Variants in ZHX1 observed in about 807,000 individuals in gnomAD.
The protein encoded by ZHX1 is zinc fingers and homeoboxes protein 1.
A neutral mutation model predicts 61.8 loss-of-function variants in ZHX1; 20 were observed. The ratio of observed to expected loss-of-function variants is 0.32; its 90% CI spans 0.23 to 0.47. ZHX1 has a LOEUF of 0.47. Ranked by LOEUF, ZHX1 falls within the 20% of genes least tolerant of loss-of-function variation. ZHX1 has a pLI of 1.00. For missense variants in ZHX1, 800 were observed against 1,034.8 expected, an observed-to-expected ratio of 0.77 and a Z score of 3.11; for synonymous variants, 318 against 352.6, an observed-to-expected ratio of 0.90 and a Z score of 1.10.
At chr8:123,269,334 G>A (rs1361250685) in intron 1 of ZHX1, among the ~76,000 whole-genome samples, 1 of 152,184 alleles carries the variant, frequency 6.6e-6, no homozygotes, top group Non-Finnish European at 1.5e-5. Context: ...GGATACCAGA[G>A]GAGCAAAAAT....
At position 123,254,981 on chromosome 8, in the gene ZHX1, T is replaced by G; in HGVS notation, c.966A>C (p.Lys322Asn). 1 of 1,614,228 alleles carries G rather than the reference T, an allele frequency of 6.2e-7. No individual in the cohort carries two copies. Among genetic ancestry groups the G allele is most frequent in the African/African-American group, 1.3e-5 (1 of 75,064 alleles). Residue 322 changes from lysine (K) to asparagine (N), a missense_variant, in exon 3 of 4, where the codon AAA becomes AAC. Lys to Asn is a moderately conservative substitution (Grantham distance 94). Coordinates refer to ENST00000395571, the MANE Select transcript of ZHX1 (RefSeq NM_007222.5). This position sits in a 1 kb window ranked among gnomAD's most constrained non-coding sequence, Gnocchi z 4.1. ...SEITVLSAQAKYTEEQIKIWF... is the reference protein window; with the variant it reads ...SEITVLSAQANYTEEQIKIWF... ...ATATCTTGATCTGTTCCTCTGTATA[T>G]TTTGCTTGAGCAGAAAGAACTGTAA...
chr8:123,269,924 G>GA (rs1826589302), intron 1 of ZHX1, among the ~76,000 whole-genome samples: 1 of 151,974 alleles, frequency 6.6e-6, no homozygotes, highest in East Asian at 1.9e-4. Flanking sequence ...AATCATGCTG[G>GA]AACAAGTTGG....
chr8:123,254,014 C>T lies in ZHX1; in HGVS notation c.1933G>A (p.Gly645Arg). ...GATTCATCTGCAGGAGAAGTTTCTC[C>T]AGCTTCTTCTTTGGAACTACCTGCA... ...SNAGSSKEEA[G>R]ETSPADESGA... Residue 645 changes from glycine to arginine, a missense_variant, in exon 3 of 4, where the codon GGA becomes AGA. By Grantham distance (125) the Gly-to-Arg change is moderately radical. Transcript: ENST00000395571. The surrounding 1 kb of genome is among the most constrained non-coding windows in gnomAD (Gnocchi z 4.1). 3 of 1,614,126 alleles carry T rather than the reference C, an allele frequency of 1.9e-6. No homozygotes were observed. Among genetic ancestry groups the T allele is most frequent in the East Asian group, 2.2e-5 (1 of 44,886 alleles).
intron 2 of ZHX1, among the ~76,000 whole-genome samples, chr8:123,263,716 C>T (rs1384691948): frequency 1.3e-5 from 2 of 152,080 alleles, no homozygotes; most frequent in African/African-American, 2.4e-5. Context: ...TGCCTGTAAT[C>T]CCAGCTGCTT....
At chr8:123,258,453 T>C (rs1032314887) in intron 2 of ZHX1, among the ~76,000 whole-genome samples, 5 of 152,232 alleles carry the variant, frequency 3.3e-5, no homozygotes, top group Non-Finnish European at 1.5e-5. Flanking sequence ...ACAAAGAGAC[T>C]GAGACACAGC....
At chr8:123,273,635 G>A (rs949861708) in intron 1 of ZHX1, 1 of 152,258 alleles carries the variant, frequency 6.6e-6, no homozygotes, top group Non-Finnish European at 1.5e-5. Flanking sequence ...GGGTTTGCTG[G>A]GGCTCCAACC....
At position 123,248,911 on chromosome 8, in the gene ZHX1, G is replaced by A. The variant is rs1301833344; in HGVS notation, c.*1413C>T. The stretch of plus-strand genomic sequence containing the variant: ...AAGCCACCCACAAAGCCAGCTGTCT[G>A]AGTGAGGAAATCAGCTACATTGCAG... On this transcript the variant is annotated 3_prime_UTR_variant, in exon 4 of 4. Coordinates refer to ENST00000395571, the MANE Select transcript of ZHX1 (RefSeq NM_007222.5). 1 of 152,412 alleles carries A rather than the reference G, an allele frequency of 6.6e-6. No individual in the cohort carries two copies. 9.4% of individuals were successfully genotyped at this position (152,412 alleles called of 1,614,324 possible).
intron 2 of ZHX1, among the ~76,000 whole-genome samples, chr8:123,265,078 A>G (rs1826411625): frequency 6.6e-6 from 1 of 150,640 alleles, no homozygotes; most frequent in Non-Finnish European, 1.5e-5. Flanking sequence ...AATTCCAGCT[A>G]CTCGGGAGGT....
At chr8:123,257,376 T>A (rs1826103456) in intron 2 of ZHX1, among the ~76,000 whole-genome samples, 1 of 152,176 alleles carries the variant, frequency 6.6e-6, no homozygotes, top group Non-Finnish European at 1.5e-5. Flanking sequence ...TAGTCTAACC[T>A]CACTTTCCTT....
At chr8:123,270,175 A>AT (rs112572688) in intron 1 of ZHX1, among the ~76,000 whole-genome samples, 17,595 of 152,162 alleles carry the variant, frequency 0.12, 3,086 homozygotes, top group African/African-American at 0.39. Context: ...TTTTAAGAAT[A>AT]TTGATGGTAA....
intron 2 of ZHX1, among the ~76,000 whole-genome samples, chr8:123,265,660 T>A (rs1019860955): frequency 1.3e-5 from 2 of 152,148 alleles, no homozygotes; most frequent in African/African-American, 4.8e-5. Context: ...CAACACAAAT[T>A]TACATCCACA....
intron 2 of ZHX1, among the ~76,000 whole-genome samples, chr8:123,260,322 A>G (rs1477055510): frequency 6.6e-6 from 1 of 151,910 alleles, no homozygotes; most frequent in African/African-American, 2.4e-5. Context: ...AAACTTAAAC[A>G]TATCGGCTGG....
chr8:123,270,584 C>T (rs933254767), intron 1 of ZHX1, among the ~76,000 whole-genome samples: 1 of 150,920 alleles, frequency 6.6e-6, no homozygotes, highest in Non-Finnish European at 1.5e-5. Flanking sequence ...AGTTTGAGAC[C>T]AGCTAGGGCA....
intron 2 of ZHX1, among the ~76,000 whole-genome samples, chr8:123,257,747 C>G (rs1392366869): frequency 6.6e-6 from 1 of 152,150 alleles, no homozygotes; most frequent in East Asian, 1.9e-4. Context: ...TAACAGAAGG[C>G]AGAGTTCAGG....
intron 1 of ZHX1, among the ~76,000 whole-genome samples, chr8:123,270,389 T>C (rs1408290997): frequency 3.0e-4 from 46 of 152,194 alleles, no homozygotes; most frequent in Non-Finnish European, 4.4e-5. Context: ...ATATATGATA[T>C]GGCTATGACT....
intron 2 of ZHX1, among the ~76,000 whole-genome samples, chr8:123,257,725 C>T (rs531817460): frequency 6.6e-5 from 10 of 152,148 alleles, no homozygotes; most frequent in Non-Finnish European, 1.3e-4. Context: ...GAATCTAATG[C>T]TGCTGCTCAT....
chr8:123,250,318 C>T lies in ZHX1; in HGVS notation c.*6G>A. On this transcript the variant is annotated splice_region_variant and 3_prime_UTR_variant, in exon 4 of 4. Transcript: ENST00000395571. ...ATTGATTCTCCTTCAACGTTTTAGGCAGCTAAAAAAGAAAAACATCATAAA... is the reference window on the plus strand; with the variant it reads ...ATTGATTCTCCTTCAACGTTTTAGGTAGCTAAAAAAGAAAAACATCATAAA... The T allele has an allele frequency of 5.2e-6, 2 of 383,546 alleles. No homozygotes were observed. The highest frequency in any genetic ancestry group is 1.8e-5 in the South Asian group (1 of 54,164). The allele number at this position is 383,546 out of a possible 1,614,324, so 23.8% of individuals were successfully genotyped here.
chr8:123,259,959 C>T (rs1254372568), intron 2 of ZHX1, among the ~76,000 whole-genome samples: 1 of 151,858 alleles, frequency 6.6e-6, no homozygotes, highest in Non-Finnish European at 1.5e-5. Context: ...GGAGATCAAC[C>T]ATCCTAGCCA....
At chr8:123,262,211 C>A (rs1469719900) in intron 2 of ZHX1, among the ~76,000 whole-genome samples, 1 of 152,174 alleles carries the variant, frequency 6.6e-6, no homozygotes, top group Non-Finnish European at 1.5e-5. Flanking sequence ...TTCAAAACTG[C>A]TTTCAGTTAA....
Sources: allele counts gnomAD v4.1 joint callset (sites outside exome capture counted in the v4.1 genomes callset), GRCh38; gene constraint gnomAD v4.1.1; non-coding constraint Gnocchi (gnomAD v3.1); transcripts MANE v1.5; gene names NCBI Gene and HGNC (gene_info 2026-07-23, HGNC 2026-07-21).